HDAC9: variants seen among roughly 807,000 people sequenced by gnomAD.
HDAC9 encodes histone deacetylase 9.
A neutral mutation model predicts 139.4 loss-of-function variants in HDAC9; 41 were observed. The ratio of observed to expected loss-of-function variants is 0.29; its 90% confidence interval spans 0.23 to 0.38. The LOEUF is 0.38. Among genes scored for constraint, HDAC9 ranks in the 10% least tolerant of loss-of-function variants. HDAC9 has a pLI of 1.00. For missense variants in HDAC9, 1,147 were observed against 1,297.0 expected, an observed-to-expected ratio of 0.88 and a Z score of 1.78; for synonymous variants, 517 against 476.2, an observed-to-expected ratio of 1.09 and a Z score of -1.12.
intron 1 of HDAC9, among the ~76,000 whole-genome samples, chr7:18,455,002 A>G (rs1793213470): frequency 2.0e-5 from 3 of 152,134 alleles, no homozygotes; most frequent in East Asian, 1.9e-4. Flanking sequence ...GTCTCTGAAC[A>G]TACAGGTCTC....
At chr7:18,185,462 C>A (rs572676048) in intron 2 of HDAC9, among the ~76,000 whole-genome samples, 1 of 152,234 alleles carries the variant, frequency 6.6e-6, no homozygotes, top group African/African-American at 2.4e-5. Context: ...AAATCCTTAC[C>A]ATTTAGGAGA....
intron 1 of HDAC9, among the ~76,000 whole-genome samples, chr7:18,485,722 G>A (rs781024471): frequency 2.1e-4 from 32 of 151,950 alleles, no homozygotes; most frequent in African/African-American, 7.7e-4. Context: ...AAATATTGAA[G>A]CTATACTGAA....
intron 2 of HDAC9, among the ~76,000 whole-genome samples, chr7:18,241,705 A>G (rs1483266380): frequency 6.6e-6 from 1 of 152,204 alleles, no homozygotes; most frequent in East Asian, 1.9e-4. Context: ...GCCAAGTTTC[A>G]GTGTTTCCTG....
intron 21 of HDAC9, among the ~76,000 whole-genome samples, chr7:18,851,177 A>G (rs192061009): frequency 6.6e-6 from 1 of 152,214 alleles, no homozygotes; most frequent in East Asian, 1.9e-4. Flanking sequence ...GAGCTGCAGT[A>G]TCTATTCGCT....
intron 22 of HDAC9, among the ~76,000 whole-genome samples, chr7:18,905,780 ATTAC>A (rs1802179677): frequency 6.6e-6 from 1 of 152,118 alleles, no homozygotes; most frequent in South Asian, 2.1e-4. Flanking sequence ...CTCTTAACAT[ATTAC>A]TTAGCACTCG....
At chr7:18,854,575 T>C (rs1385306501) in intron 21 of HDAC9, among the ~76,000 whole-genome samples, 1 of 150,998 alleles carries the variant, frequency 6.6e-6, no homozygotes, top group Non-Finnish European at 1.5e-5. Flanking sequence ...AATAGGAGGG[T>C]AGAGAAAATA....
intron 22 of HDAC9, among the ~76,000 whole-genome samples, chr7:18,924,120 T>A (rs1803999184): frequency 1.3e-5 from 2 of 151,756 alleles, no homozygotes; most frequent in South Asian, 4.2e-4. Context: ...GAATTGCCTG[T>A]TTTAAAAAAA....
intron 22 of HDAC9, among the ~76,000 whole-genome samples, chr7:18,876,866 C>T (rs952725267): frequency 2.0e-5 from 3 of 151,860 alleles, no homozygotes; most frequent in Admixed American, 6.6e-5. Flanking sequence ...CCATGCCTGG[C>T]TCATTTTGTA....
At chr7:18,128,509 C>T (rs1232342974) in intron 1 of HDAC9, among the ~76,000 whole-genome samples, 3 of 151,974 alleles carry the variant, frequency 2.0e-5, no homozygotes, top group African/African-American at 7.2e-5. Flanking sequence ...AAGCCTCAAG[C>T]CACATGAACC....
chr7:18,532,324 T>C (rs143200172), intron 2 of HDAC9, among the ~76,000 whole-genome samples: 57 of 152,192 alleles, frequency 3.7e-4, no homozygotes, highest in African/African-American at 1.2e-3. Flanking sequence ...GGCATCACAT[T>C]TTGGCCATCC....
chr7:18,173,092 C>T (rs1171195952), intron 2 of HDAC9, among the ~76,000 whole-genome samples: 3 of 152,280 alleles, frequency 2.0e-5, no homozygotes, highest in South Asian at 2.1e-4. Context: ...GTCCAAGTCT[C>T]TTTGTAGGTC....
chr7:18,828,595 T>C (rs1202912506), intron 17 of HDAC9, among the ~76,000 whole-genome samples: 1 of 152,224 alleles, frequency 6.6e-6, no homozygotes, highest in African/African-American at 2.4e-5. Context: ...GCTAAATTTA[T>C]AGACTGGAAG....
At chr7:18,293,142 T>C (rs1422757968) in intron 1 of HDAC9, among the ~76,000 whole-genome samples, 1 of 152,148 alleles carries the variant, frequency 6.6e-6, no homozygotes, top group Non-Finnish European at 1.5e-5. Context: ...TACAGTACTT[T>C]TGTCATCTTG....
intron 2 of HDAC9, among the ~76,000 whole-genome samples, chr7:18,552,364 A>T (rs1261751246): frequency 6.6e-6 from 1 of 152,050 alleles, no homozygotes; most frequent in Non-Finnish European, 1.5e-5. Flanking sequence ...TTTTGCTTAT[A>T]TTCTGCATTA....
intron 2 of HDAC9, among the ~76,000 whole-genome samples, chr7:18,256,066 A>G: frequency 8.1e-6 from 1 of 122,968 alleles, no homozygotes; most frequent in South Asian, 2.7e-4. Flanking sequence ...CAGCATATCT[A>G]GGACTTTTCT....
intron 8 of HDAC9, among the ~76,000 whole-genome samples, chr7:18,642,822 G>T (rs2129014903): frequency 6.6e-6 from 1 of 152,004 alleles, no homozygotes; most frequent in African/African-American, 2.4e-5. Context: ...GAGGTGGGAG[G>T]ATATCACAGA....
intron 13 of HDAC9, among the ~76,000 whole-genome samples, chr7:18,731,620 T>A (rs1036991575): frequency 6.6e-6 from 1 of 152,196 alleles, no homozygotes; most frequent in Non-Finnish European, 1.5e-5. Flanking sequence ...TGCATAAAAT[T>A]ATTTTTAAAG....
chr7:18,287,750 C>A (rs533207158), upstream of HDAC9, among the ~76,000 whole-genome samples: 1 of 152,300 alleles, frequency 6.6e-6, no homozygotes, highest in South Asian at 2.1e-4. Flanking sequence ...AGTAGTTTGT[C>A]TAGGGTAGTG....
chr7:18,719,189 G>A (rs1203113593), intron 12 of HDAC9, among the ~76,000 whole-genome samples: 1 of 151,970 alleles, frequency 6.6e-6, no homozygotes, highest in Non-Finnish European at 1.5e-5. Context: ...CCATATTCTG[G>A]ATACAAGTCT....
Sources: allele counts gnomAD v4.1 joint callset (sites outside exome capture counted in the v4.1 genomes callset), GRCh38; gene constraint gnomAD v4.1.1; transcripts MANE v1.5; gene names NCBI Gene and HGNC (gene_info 2026-07-23, HGNC 2026-07-21).